SCN1A: variants seen among roughly 807,000 people sequenced by gnomAD.
The protein encoded by SCN1A is sodium channel protein type 1 subunit alpha.
Under a neutral mutation model 193.7 loss-of-function variants are expected in SCN1A, and 13 were observed. The observed-to-expected ratio is 0.07, with a 90% confidence interval of 0.04 to 0.11. The LOEUF is 0.11. Ranked by LOEUF, SCN1A falls within the 10% of genes least tolerant of loss-of-function variation. SCN1A has a pLI of 1.00. For synonymous variants in SCN1A, 781 were observed against 843.6 expected (o/e 0.93, Z 1.29); for missense variants, 1,432 against 2,451.1 (o/e 0.58, Z 8.78).
At position 166,017,679 on chromosome 2, in the gene SCN1A, T is replaced by C. The variant is rs529558724; in HGVS notation, c.3430-1952A>G. On this transcript the variant is annotated intron_variant, in intron 19 of 28. Coordinates refer to ENST00000674923, the MANE Select transcript of SCN1A (RefSeq NM_001165963.4). ...ACTGTAGAAAAGCAAATGCCCATTCTTCATGAAACAATTAGAGAGTGGAAT... is the reference window on the plus strand; with the variant it reads ...ACTGTAGAAAAGCAAATGCCCATTCCTCATGAAACAATTAGAGAGTGGAAT... Among the ~76,000 whole-genome samples the C allele has an allele frequency of 3.9e-5, 6 of 152,184 alleles. No homozygotes were observed. In the East Asian group the frequency reaches 9.7e-4, roughly 24 times the overall value.
At chr2:166,065,222 T>C (rs903091543) in intron 4 of SCN1A, among the ~76,000 whole-genome samples, 1 of 152,158 alleles carries the variant, frequency 6.6e-6, no homozygotes, top group Admixed American at 6.6e-5. Flanking sequence ...CTCTAGCTCC[T>C]ACCCAGAAGT....
At chr2:166,073,196 C>A (rs893882311) in intron 4 of SCN1A, 162 bp downstream of exon 4, 1 of 770,136 alleles carries the variant, frequency 1.3e-6, no homozygotes, top group African/African-American at 1.8e-5. Context: ...ATAATCAATT[C>A]ATTTCTCATG....
intron 2 of SCN1A, among the ~76,000 whole-genome samples, chr2:166,120,587 T>A (rs1690443593): frequency 6.9e-6 from 1 of 143,996 alleles, no homozygotes; most frequent in African/African-American, 2.6e-5. Context: ...GTTTTCTTTT[T>A]TCTTTTCTCT....
intron 19 of SCN1A, among the ~76,000 whole-genome samples, chr2:166,030,826 C>A (rs1455367997): frequency 6.6e-6 from 1 of 151,730 alleles, no homozygotes; most frequent in East Asian, 1.9e-4. Flanking sequence ...GTAGGTGCTT[C>A]GGAGGATAGA....
At chr2:166,037,423 A>G (rs1278815139) in intron 18 of SCN1A, among the ~76,000 whole-genome samples, 1 of 152,172 alleles carries the variant, frequency 6.6e-6, no homozygotes, top group African/African-American at 2.4e-5. Context: ...CTGAATTTAT[A>G]AAATGGTCCC....
In SCN1A at chr2:166,051,720, T is replaced by G. The variant is rs1392830197; in HGVS notation, c.963A>C (p.Ser321=). ...EFDWKSYIQD[S]RYHYFLEGFL... Reference sequence around the variant, plus strand: ...AATGTACATAACAATAATTCTTACTTGAATCTTGAATATATGACTTCCAGT... The same window carrying G: ...AATGTACATAACAATAATTCTTACTGGAATCTTGAATATATGACTTCCAGT... Residue 321 remains serine, a splice_region_variant and synonymous_variant, in exon 9 of 29, where the codon TCA becomes TCC. Transcript: ENST00000674923. 1 of 1,594,410 alleles carries G rather than the reference T, an allele frequency of 6.3e-7. No individual in the cohort carries two copies. Among genetic ancestry groups the G allele is most frequent in the African/African-American group, 1.3e-5 (1 of 74,530 alleles).
At chr2:166,108,361 G>A (rs1242400187) in intron 2 of SCN1A, among the ~76,000 whole-genome samples, 1 of 152,044 alleles carries the variant, frequency 6.6e-6, no homozygotes, top group Admixed American at 6.6e-5. Flanking sequence ...TTGTTAGTAG[G>A]AATGTAAAAT....
intron 1 of SCN1A, among the ~76,000 whole-genome samples, chr2:166,147,407 A>G (rs1408788707): frequency 6.6e-6 from 1 of 152,188 alleles, no homozygotes; most frequent in Non-Finnish European, 1.5e-5. Context: ...AAAATGAAAA[A>G]ATTAATATAT....
chr2:166,002,355 T>C (rs981405959), intron 24 of SCN1A, 117 bp downstream of exon 24: 1 of 1,153,294 alleles, frequency 8.7e-7, no homozygotes, highest in Non-Finnish European at 1.2e-6. Flanking sequence ...CAAATTGAAA[T>C]TTTTTAAATA....
At chr2:166,056,066 A>T (rs1435262839) in intron 6 of SCN1A, among the ~76,000 whole-genome samples, 2 of 152,036 alleles carry the variant, frequency 1.3e-5, no homozygotes, top group African/African-American at 4.8e-5. Flanking sequence ...TTCTTGATTC[A>T]ATGTATTTAT....
chr2:166,068,036 T>G (rs1447824609), intron 4 of SCN1A, among the ~76,000 whole-genome samples: 1 of 152,174 alleles, frequency 6.6e-6, no homozygotes, highest in East Asian at 1.9e-4. Context: ...AGGATGTTAG[T>G]TTAGCACCAC....
intron 2 of SCN1A, among the ~76,000 whole-genome samples, chr2:166,124,922 T>C (rs936205769): frequency 3.3e-5 from 5 of 152,244 alleles, no homozygotes; most frequent in Admixed American, 2.0e-4. Context: ...CTGCTTAGGA[T>C]AGTGGCTGGC....
intron 8 of SCN1A, among the ~76,000 whole-genome samples, chr2:166,052,422 G>A (rs1348250893): frequency 6.6e-6 from 1 of 151,878 alleles, no homozygotes; most frequent in East Asian, 1.9e-4. Context: ...CAGTATAATT[G>A]TGCCTTAAGA....
In SCN1A at chr2:166,138,628, A is replaced by C. The variant is rs532993306; in HGVS notation, c.-50+10419T>G. 4.6e-5 allele frequency among the ~76,000 whole-genome samples: 7 copies of C among 152,312 alleles called. No homozygotes were observed. In the South Asian group the frequency reaches 1.4e-3, roughly 32 times the overall value. On this transcript the variant is annotated intron_variant, in intron 1 of 26. Transcript: ENST00000635750. The stretch of plus-strand genomic sequence containing the variant: ...TATGGAAACGCCTGGATGCCCAGCA[A>C]AAGTTTGCTGCAGGGGTGGGGCCCT...
intron 2 of SCN1A, among the ~76,000 whole-genome samples, chr2:166,081,978 T>C (rs1381106): frequency 0.23 from 34,400 of 151,944 alleles, 3,974 homozygotes; most frequent in Middle Eastern, 0.4. Flanking sequence ...CAAGAATATA[T>C]ATAGTACTTA....
chr2:166,107,390 A>C (rs1053522015), intron 2 of SCN1A, among the ~76,000 whole-genome samples: 1 of 152,176 alleles, frequency 6.6e-6, no homozygotes, highest in Non-Finnish European at 1.5e-5. Flanking sequence ...TGAATTAATT[A>C]ATAAAATATT....
intron 2 of SCN1A, among the ~76,000 whole-genome samples, chr2:166,084,218 C>CTTTTTT (rs57907653): frequency 1.6e-5 from 2 of 127,326 alleles, no homozygotes; most frequent in Non-Finnish European, 1.6e-5. Flanking sequence ...TCTCAATTTT[C>CTTTTTT]TTTTTTTTTT....
chr2:166,118,572 C>T (rs943300222), intron 2 of SCN1A, among the ~76,000 whole-genome samples: 1 of 151,812 alleles, frequency 6.6e-6, no homozygotes, highest in Non-Finnish European at 1.5e-5. Context: ...GACCTGACAC[C>T]GGACTGTTTT....
At position 166,012,216 on chromosome 2, in the gene SCN1A, C is replaced by T. The variant is rs796052998; in HGVS notation, c.3772G>A (p.Val1258Ile). 1.2e-6 allele frequency: 2 copies of T among 1,610,378 alleles called. No homozygotes were observed. The highest frequency in any genetic ancestry group is 8.5e-7 in the Non-Finnish European group (1 of 1,177,492). Residue 1258 changes from valine to isoleucine, a missense_variant, in exon 22 of 29, where the codon GTT becomes ATT. Val to Ile is a conservative substitution (Grantham distance 29). Transcript: ENST00000674923. The stretch of plus-strand genomic sequence containing the variant: ...TCCAGAATGAAAATGTAAGTGAAAA[C>T]CTTGTCAGCATATTCCAACATCGTC... ...IKTMLEYADK[V>I]FTYIFILEML...
Sources: gnomAD v4.1 joint callset for allele counts (sites outside exome capture counted in the v4.1 genomes callset) on GRCh38, gnomAD v4.1.1 for gene constraint, MANE v1.5 for transcripts, NCBI Gene and HGNC (gene_info 2026-07-23, HGNC 2026-07-21) for gene names.